SPAG16: variants seen among roughly 807,000 people sequenced by gnomAD.
SPAG16 encodes the protein sperm-associated antigen 16 protein.
Under a neutral mutation model 80.4 loss-of-function variants are expected in SPAG16, and 86 were observed. The ratio of observed to expected loss-of-function variants is 1.07; its 90% CI spans 0.90 to 1.28. The LOEUF (loss-of-function observed/expected upper bound fraction) is 1.28. SPAG16 is among the 50% of genes most tolerant of loss of function. The pLI, the probability that SPAG16 is intolerant of heterozygous loss-of-function variation, is 0.00. For synonymous variants in SPAG16, 294 were observed against 265.9 expected (o/e 1.11, Z -1.03); for missense variants, 870 against 765.3 (o/e 1.14, Z -1.61).
intron 12 of SPAG16, among the ~76,000 whole-genome samples, chr2:213,946,393 G>A (rs767295569): frequency 2.0e-5 from 3 of 152,038 alleles, no homozygotes; most frequent in Non-Finnish European, 2.9e-5. Flanking sequence ...GATTACAGGC[G>A]TGAGCCACTG....
chr2:213,933,666 C>T (rs2078866530), intron 12 of SPAG16, among the ~76,000 whole-genome samples: 1 of 152,170 alleles, frequency 6.6e-6, no homozygotes, highest in Non-Finnish European at 1.5e-5. Context: ...TAGTAGGAAA[C>T]AGAGGGACTT....
chr2:214,105,200 A>G (rs2053319907), intron 13 of SPAG16, among the ~76,000 whole-genome samples: 1 of 152,142 alleles, frequency 6.6e-6, no homozygotes, highest in Admixed American at 6.6e-5. Context: ...GGGCAACAGA[A>G]CAAACAGCAC....
intron 15 of SPAG16, among the ~76,000 whole-genome samples, chr2:214,221,791 T>C (rs1347418121): frequency 6.6e-6 from 1 of 152,184 alleles, no homozygotes; most frequent in Non-Finnish European, 1.5e-5. Flanking sequence ...CACTTTAGCA[T>C]TTCAATTACA....
At chr2:213,965,555 G>C (rs2044666305) in intron 12 of SPAG16, among the ~76,000 whole-genome samples, 1 of 152,148 alleles carries the variant, frequency 6.6e-6, no homozygotes, top group Non-Finnish European at 1.5e-5. Flanking sequence ...GTGAGCTTTG[G>C]TGTGACCAGA....
At chr2:214,265,083 A>T (rs1171512635) in intron 15 of SPAG16, among the ~76,000 whole-genome samples, 1 of 152,194 alleles carries the variant, frequency 6.6e-6, no homozygotes, top group Non-Finnish European at 1.5e-5. Flanking sequence ...AAAGATTGCC[A>T]TAAACATCAA....
At chr2:213,590,753 G>C (rs931595900) in intron 10 of SPAG16, among the ~76,000 whole-genome samples, 1 of 152,186 alleles carries the variant, frequency 6.6e-6, no homozygotes, top group Non-Finnish European at 1.5e-5. Flanking sequence ...ATTTCTCAAA[G>C]TACTAAAATT....
chr2:214,132,922 G>A (rs13413330), intron 14 of SPAG16, among the ~76,000 whole-genome samples: 5 of 151,468 alleles, frequency 3.3e-5, no homozygotes, highest in African/African-American at 4.9e-5. Flanking sequence ...GAGAAACCCC[G>A]TCTCTACTAA....
At chr2:214,112,969 C>G (rs2053752214) in intron 14 of SPAG16, among the ~76,000 whole-genome samples, 1 of 152,052 alleles carries the variant, frequency 6.6e-6, no homozygotes, top group Non-Finnish European at 1.5e-5. Context: ...CTGGTTGTTC[C>G]TTTCTATGTT....
chr2:213,518,227 C>A (rs1175761682), intron 10 of SPAG16, among the ~76,000 whole-genome samples: 2 of 152,162 alleles, frequency 1.3e-5, no homozygotes, highest in Non-Finnish European at 2.9e-5. Context: ...CAGAGAATTG[C>A]AGATCAAAAC....
At chr2:213,680,985 A>G (rs973349140) in intron 10 of SPAG16, among the ~76,000 whole-genome samples, 5 of 152,212 alleles carry the variant, frequency 3.3e-5, no homozygotes, top group Middle Eastern at 3.2e-3. Context: ...GGTTAAGATA[A>G]AGGATTGTGG....
intron 10 of SPAG16, among the ~76,000 whole-genome samples, chr2:213,773,445 G>GATA (rs2069377373): frequency 6.6e-6 from 1 of 152,180 alleles, no homozygotes; most frequent in Non-Finnish European, 1.5e-5. Flanking sequence ...CATGTAACTA[G>GATA]TATATCCATC....
At position 213,350,567 on chromosome 2, in the gene SPAG16, G is replaced by A. The variant is rs776497000; in HGVS notation, c.684G>A (p.Arg228=). 1.9e-5 allele frequency: 30 copies of A among 1,597,396 alleles called. No individual in the cohort carries two copies. Among genetic ancestry groups the A allele is most frequent in the Non-Finnish European group, 2.5e-5 (29 of 1,174,888 alleles). ...LHYASYEPTI[R]VLHEKHHTLL... is the part of the protein sequence containing the mutation. The stretch of plus-strand genomic sequence containing the variant: ...ATGCATCTTATGAACCGACTATAAG[G>A]GTGTTACATGAGAAACACCACACTT... Residue 228 remains arginine, a synonymous_variant, in exon 7 of 16, where the codon AGG becomes AGA. Coordinates refer to ENST00000331683, the MANE Select transcript of SPAG16 (RefSeq NM_024532.5).
At chr2:213,992,221 T>C (rs190709845) in intron 12 of SPAG16, among the ~76,000 whole-genome samples, 44 of 152,336 alleles carry the variant, frequency 2.9e-4, no homozygotes, top group Non-Finnish European at 7.3e-5. Context: ...GATATTTTAC[T>C]GAATTTTACC....
intron 12 of SPAG16, among the ~76,000 whole-genome samples, chr2:213,975,991 A>G (rs2045350180): frequency 6.6e-6 from 1 of 151,628 alleles, no homozygotes; most frequent in Non-Finnish European, 1.5e-5. Flanking sequence ...TTTCAAGCTT[A>G]CATGGCTTGC....
At chr2:214,338,009 G>A (rs747852610) in intron 15 of SPAG16, among the ~76,000 whole-genome samples, 7 of 151,712 alleles carry the variant, frequency 4.6e-5, no homozygotes, top group South Asian at 2.1e-4. Context: ...CTAAACTGGC[G>A]GAAATAACAT....
intron 10 of SPAG16, among the ~76,000 whole-genome samples, chr2:213,504,590 G>A (rs2074883882): frequency 6.6e-6 from 1 of 152,050 alleles, no homozygotes; most frequent in Non-Finnish European, 1.5e-5. Flanking sequence ...GGAGACTAAA[G>A]ATAAAAGAAG....
chr2:213,466,585 T>C (rs2072710504), intron 9 of SPAG16, among the ~76,000 whole-genome samples: 1 of 152,176 alleles, frequency 6.6e-6, no homozygotes, highest in African/African-American at 2.4e-5. Context: ...TAATCCTTTA[T>C]TCACCTGTTG....
intron 12 of SPAG16, among the ~76,000 whole-genome samples, chr2:213,935,200 T>G (rs1335700636): frequency 1.9e-5 from 1 of 52,940 alleles, no homozygotes; most frequent in South Asian, 1.2e-3. Context: ...AGACTCCATC[T>G]CAAAAAAAAA....
chr2:214,074,438 C>T (rs1350951697), intron 13 of SPAG16, among the ~76,000 whole-genome samples: 1 of 151,842 alleles, frequency 6.6e-6, no homozygotes, highest in Admixed American at 6.6e-5. Context: ...AAGTGAAGTG[C>T]AAAGCAATAA....
Sources: gnomAD v4.1 joint callset for allele counts (sites outside exome capture counted in the v4.1 genomes callset) on GRCh38, gnomAD v4.1.1 for gene constraint, MANE v1.5 for transcripts, NCBI Gene and HGNC (gene_info 2026-07-23, HGNC 2026-07-21) for gene names.